The following PPIP5K2 variants were observed in gnomAD, a reference collection of about 807,000 sequenced individuals.
PPIP5K2 encodes inositol hexakisphosphate and diphosphoinositol-pentakisphosphate kinase 2.
In PPIP5K2, 105 loss-of-function variants were observed where a neutral mutation model predicts 154.6. The observed-to-expected ratio is 0.68, with a 90% confidence interval of 0.58 to 0.80. The LOEUF (loss-of-function observed/expected upper bound fraction) is 0.80, where lower values mean the gene tolerates loss of function less well. PPIP5K2 is among the 30% of genes least tolerant of loss of function. The probability of loss-of-function intolerance (pLI) is 0.00; values close to 1 mark genes in which losing one functional copy is unlikely to be tolerated. For missense variants in PPIP5K2, 992 were observed against 1,504.6 expected (o/e 0.66, Z 5.64); for synonymous variants, 480 against 490.3 (o/e 0.98, Z 0.28).
Position 103,204,749 on chromosome 5 carries a change from G to A in PPIP5K2, c.*3115G>A, listed in dbSNP as rs913582708. 6.6e-6 allele frequency: 1 copy of A among 152,000 alleles called. No homozygotes were observed. The highest frequency in any genetic ancestry group is 1.5e-5 in the Non-Finnish European group (1 of 68,006). 9.4% of individuals were successfully genotyped at this position (152,000 alleles called of 1,614,324 possible). On this transcript the variant is annotated 3_prime_UTR_variant, in exon 31 of 31. Transcript: ENST00000358359. ...GTTGTTTATATAGGTCAATTTTTGT[G>A]GAAGATCTAATTTCTATTTTCAGAG...
In PPIP5K2 at chr5:103,163,663, C is replaced by CCTT. The variant is rs199790053; in HGVS notation, c.1921-3514_1921-3512dup. ...TTCTGTAGATATTTTATATAGCTGC[C>CCTT]CTTCAAAATAAGGAAATTTCATTGT... On this transcript the variant is annotated intron_variant, in intron 17 of 30. Coordinates refer to ENST00000358359, the MANE Select transcript of PPIP5K2 (RefSeq NM_001276277.3). 9.5e-3 allele frequency among the ~76,000 whole-genome samples: 1,440 copies of CCTT among 151,904 alleles called. 9 individuals are homozygous for CCTT. Among genetic ancestry groups the CCTT allele is most frequent in the Non-Finnish European group, 0.013 (852 of 67,854 alleles).
intron 19 of PPIP5K2, among the ~76,000 whole-genome samples, chr5:103,172,914 C>T (rs1798176693): frequency 6.6e-6 from 1 of 151,856 alleles, no homozygotes; most frequent in Non-Finnish European, 1.5e-5. Flanking sequence ...TTCACCCATT[C>T]ATTCTCCGCC....
chr5:103,163,170 G>C (rs1796622325), intron 17 of PPIP5K2, among the ~76,000 whole-genome samples: 1 of 147,510 alleles, frequency 6.8e-6, no homozygotes, highest in African/African-American at 2.5e-5. Flanking sequence ...TTTTATTTAG[G>C]TTGTATGATA....
chr5:103,205,749 G>T lies in PPIP5K2; in HGVS notation c.*4115G>T, dbSNP rs529787769. On this transcript the variant is annotated 3_prime_UTR_variant, in exon 31 of 31. Transcript: ENST00000358359. ...GGTGCATATAAATTCATGAATGCTA[G>T]ATTTTCATTATAGGTTTTACCTTAT... The T allele has an allele frequency of 6.6e-6, 1 of 152,090 alleles. No individual in the cohort carries two copies. Among genetic ancestry groups the T allele is most frequent in the Non-Finnish European group, 1.5e-5 (1 of 68,020 alleles). 9.4% of individuals were successfully genotyped at this position (152,090 alleles called of 1,614,324 possible).
chr5:103,153,801 C>G, intron 10 of PPIP5K2, 47 bp from the exon 11 acceptor site: 2 of 1,348,184 alleles, frequency 1.5e-6, no homozygotes, highest in South Asian at 1.3e-5. Flanking sequence ...TTATACAACA[C>G]AAATCTTTTT....
chr5:103,187,602 C>G (rs2149786252), intron 28 of PPIP5K2, among the ~76,000 whole-genome samples: 1 of 152,122 alleles, frequency 6.6e-6, no homozygotes, highest in Non-Finnish European at 1.5e-5. Flanking sequence ...CTTTTAATGA[C>G]CACAATGATG....
At chr5:103,147,183 A>C (rs1281635031) in intron 6 of PPIP5K2, among the ~76,000 whole-genome samples, 4 of 152,014 alleles carry the variant, frequency 2.6e-5, no homozygotes, top group Non-Finnish European at 5.9e-5. Context: ...AGAAATACAA[A>C]GCAATGTAGC....
chr5:103,167,685 C>A (rs1797343692), intron 18 of PPIP5K2, among the ~76,000 whole-genome samples: 1 of 151,864 alleles, frequency 6.6e-6, no homozygotes, highest in Non-Finnish European at 1.5e-5. Flanking sequence ...GGGTTTTTTT[C>A]TGGCAGAAAA....
intron 2 of PPIP5K2, among the ~76,000 whole-genome samples, chr5:103,130,934 A>G (rs1347451525): frequency 1.3e-5 from 2 of 152,016 alleles, no homozygotes; most frequent in African/African-American, 2.4e-5. Context: ...TCTACCCTCT[A>G]TGTTTTAGTA....
rs2149883014 is a variant in PPIP5K2, at chr5:103,206,316, G to A, written c.*4682G>A. ...CAATAATTGCTGTCGGTTTCAGTGA[G>A]GACTACATATTTTTTTTGTTCATGT... On this transcript the variant is annotated 3_prime_UTR_variant, in exon 31 of 31. Transcript: ENST00000358359. The A allele has an allele frequency of 6.6e-6, 1 of 152,192 alleles. No homozygotes were observed. Among genetic ancestry groups the A allele is most frequent in the South Asian group, 2.1e-4 (1 of 4,822 alleles). The allele number at this position is 152,192 out of a possible 1,614,324, so 9.4% of individuals were successfully genotyped here.
At chr5:103,181,603 A>C (rs1263940555) in intron 24 of PPIP5K2, among the ~76,000 whole-genome samples, 1 of 151,978 alleles carries the variant, frequency 6.6e-6, no homozygotes, top group Non-Finnish European at 1.5e-5. Context: ...ATACACACAC[A>C]TATATACATA....
At chr5:103,144,670 A>T (rs146609791) in intron 5 of PPIP5K2, among the ~76,000 whole-genome samples, 1 of 152,322 alleles carries the variant, frequency 6.6e-6, no homozygotes, top group East Asian at 1.9e-4. Flanking sequence ...TCCACTGGGG[A>T]TAGGACAGTG....
chr5:103,151,755 A>ATT (rs1481504417), intron 9 of PPIP5K2, among the ~76,000 whole-genome samples: 3 of 152,086 alleles, frequency 2.0e-5, no homozygotes, highest in Non-Finnish European at 4.4e-5. Context: ...AAATAGAAAT[A>ATT]TTTAGAATTC....
At chr5:103,167,933 G>A (rs1797384116) in intron 18 of PPIP5K2, 139 bp from the exon 19 acceptor site, 1 of 532,256 alleles carries the variant, frequency 1.9e-6, no homozygotes, top group Non-Finnish European at 3.2e-6. Flanking sequence ...GTTGCTAGTA[G>A]CGTATGCCTA....
chr5:103,189,081 C>T, intron 28 of PPIP5K2: 2 of 982,434 alleles, frequency 2.0e-6, no homozygotes, highest in Non-Finnish European at 3.0e-6. Context: ...ATGGACTTAC[C>T]CCTCCCTTCA....
chr5:103,133,014 A>G (rs1790892348), intron 2 of PPIP5K2, among the ~76,000 whole-genome samples: 1 of 152,208 alleles, frequency 6.6e-6, no homozygotes, highest in Non-Finnish European at 1.5e-5. Flanking sequence ...TCAAGTGCAA[A>G]CTACAATAAT....
At chr5:103,185,086 A>G (rs1800160197) in intron 26 of PPIP5K2, among the ~76,000 whole-genome samples, 1 of 152,152 alleles carries the variant, frequency 6.6e-6, no homozygotes, top group South Asian at 2.1e-4. Context: ...TATTGCATGC[A>G]GAAAGGGACT....
intron 24 of PPIP5K2, among the ~76,000 whole-genome samples, chr5:103,182,796 T>C (rs960359669): frequency 6.6e-6 from 1 of 152,186 alleles, no homozygotes; most frequent in Non-Finnish European, 1.5e-5. Flanking sequence ...CACAATTCTT[T>C]AGTGTCTCGG....
At chr5:103,186,263 TC>T in intron 26 of PPIP5K2, 56 bp from the exon 27 acceptor site, 5 of 1,607,926 alleles carry the variant, frequency 3.1e-6, no homozygotes, top group Non-Finnish European at 4.3e-6. Context: ...CTGCATGAAT[TC>T]CCAATGTGAA....
Sources: allele counts gnomAD v4.1 joint callset (sites outside exome capture counted in the v4.1 genomes callset), GRCh38; gene constraint gnomAD v4.1.1; transcripts MANE v1.5; gene names NCBI Gene and HGNC (gene_info 2026-07-23, HGNC 2026-07-21).